MTERF4: variants seen among roughly 807,000 people sequenced by gnomAD.
The protein encoded by MTERF4 is mitochondrial transcription termination factor 4, also known as transcription termination factor 4, mitochondrial.
MTERF4 carries 17 observed loss-of-function variants against 22.5 expected under a neutral mutation model. The observed-to-expected ratio is 0.75, with a 90% confidence interval of 0.52 to 1.13. The LOEUF (loss-of-function observed/expected upper bound fraction) is 1.13. MTERF4 is among the 50% of genes most tolerant of loss of function. The probability of loss-of-function intolerance (pLI) is 0.00; values close to 1 mark genes in which losing one functional copy is unlikely to be tolerated. For synonymous variants in MTERF4, 165 were observed against 175.3 expected, an observed-to-expected ratio of 0.94 and a Z score of 0.47; for missense variants, 420 against 466.8, an observed-to-expected ratio of 0.90 and a Z score of 0.92.
downstream of MTERF4, among the ~76,000 whole-genome samples, chr2:241,084,027 GTT>G (rs1240980050): frequency 1.3e-5 from 2 of 151,388 alleles, no homozygotes; most frequent in African/African-American, 4.9e-5. Context: ...TACTTCTTAG[GTT>G]TATTGTTTAG....
chr2:241,076,100 C>T (rs968745601), intron 4 of MTERF4, among the ~76,000 whole-genome samples: 2 of 152,208 alleles, frequency 1.3e-5, no homozygotes, highest in Non-Finnish European at 2.9e-5. Context: ...TCTTCATCTT[C>T]AGAAGTATCA....
downstream of MTERF4, chr2:241,087,695 T>C: frequency 7.3e-7 from 1 of 1,367,282 alleles, no homozygotes; most frequent in Non-Finnish European, 9.4e-7. Context: ...GCATGCTGGG[T>C]GCTGGGGGGG....
the MTERF4 span, chr2:241,053,432 TCTGACCTGGTCCTGCCCCTGCTC>T: frequency 1.9e-4 from 222 of 1,161,958 alleles, no homozygotes; most frequent in Middle Eastern, 1.7e-3. Flanking sequence ...GATGCCCAGC[TCTGACCTGGTCCTGCCCCTGCTC>T]CCCTCAGTCT....
At chr2:241,061,489 G>A in the MTERF4 span, among the ~76,000 whole-genome samples, 22 of 152,286 alleles carry the variant, frequency 1.4e-4, no homozygotes, top group East Asian at 3.9e-4. Flanking sequence ...GCTCATTTAC[G>A]TCAACTGTGT....
downstream of MTERF4, chr2:241,071,697 C>G (rs375264409): frequency 5.1e-5 from 77 of 1,521,246 alleles, 1 homozygote; most frequent in East Asian, 2.9e-4. Flanking sequence ...ACAGCGCCCC[C>G]GAGACCCCCA....
At chr2:241,059,396 C>T in the MTERF4 span, among the ~76,000 whole-genome samples, 1 of 152,222 alleles carries the variant, frequency 6.6e-6, no homozygotes, top group Non-Finnish European at 1.5e-5. Context: ...GAACACTTCT[C>T]ATTTGATACC....
At chr2:241,082,611 C>T (rs893340659), downstream of MTERF4, among the ~76,000 whole-genome samples, 2 of 152,184 alleles carry the variant, frequency 1.3e-5, no homozygotes, top group Admixed American at 6.5e-5. Context: ...CTCCTGGTCC[C>T]CAGGCCCCCA....
At position 241,072,388 on chromosome 2, in the gene MTERF4, A is replaced by T. The variant is rs1559297519; in HGVS notation, n.3774T>A. The T allele has an allele frequency of 1.1e-5, 4 of 364,508 alleles. No individual in the cohort carries two copies. In the Admixed American group the frequency reaches 1.5e-4, roughly 13 times the overall value. The allele number at this position is 364,508 out of a possible 1,614,324, so 22.6% of individuals were successfully genotyped here. On this transcript the variant is annotated non_coding_transcript_exon_variant, in exon 5 of 5. Transcript: ENST00000464344. ...TTTACTGGGTGAGTGCCGCTCTGGG[A>T]ATCTGCCTGTGATTCTGACACAGAA...
At chr2:241,094,472 C>A, downstream of MTERF4, 1 of 464,860 alleles carries the variant, frequency 2.2e-6, no homozygotes. The surrounding 1 kb of genome is among the most constrained non-coding windows in gnomAD (Gnocchi z 4.3). Flanking sequence ...GTGCTGAATC[C>A]CCACAATTGC....
intron 4 of MTERF4, chr2:241,081,742 G>A (rs910335890): frequency 9.9e-6 from 16 of 1,608,300 alleles, no homozygotes; most frequent in East Asian, 9.0e-5. Context: ...GGGCGCAGAC[G>A]CCCACAGCTG....
At chr2:241,077,380 C>A (rs2063078021) in intron 4 of MTERF4, among the ~76,000 whole-genome samples, 1 of 152,072 alleles carries the variant, frequency 6.6e-6, no homozygotes, top group Non-Finnish European at 1.5e-5. Flanking sequence ...TTAGGCTCAA[C>A]AATAAAAGTA....
chr2:241,088,526 C>A, downstream of MTERF4: 2 of 790,732 alleles, frequency 2.5e-6, no homozygotes, highest in South Asian at 1.4e-5. Context: ...GAAGCGCGGT[C>A]CTGTGCTGCT....
chr2:241,069,830 G>A (rs2062625022), downstream of MTERF4: 1 of 1,444,466 alleles, frequency 6.9e-7, no homozygotes, highest in Admixed American at 1.9e-5. This position sits in a 1 kb window ranked among gnomAD's most constrained non-coding sequence, Gnocchi z 4.9. Context: ...CAGCAAGGCT[G>A]CGGCAGCCCA....
chr2:241,048,830 G>A, the MTERF4 span: 101 of 1,406,742 alleles, frequency 7.2e-5, no homozygotes, highest in East Asian at 2.4e-3. Flanking sequence ...GAAATGAATG[G>A]TGGCTTCGGC....
chr2:241,096,313 A>G lies in MTERF4; in HGVS notation c.831T>C (p.Pro277=), dbSNP rs1451808221. ...YLERLGRYQT[P]DKKGQTQIPN... ...GGATCTGTGTCTGCCCCTTCTTATCAGGGGTTTGGTACCGTCCCAGGCGCT... is the reference window on the plus strand; with the variant it reads ...GGATCTGTGTCTGCCCCTTCTTATCGGGGGTTTGGTACCGTCCCAGGCGCT... The change falls in exon 4 of 4, where the codon CCT becomes CCC. Residue 277 remains proline, a synonymous_variant. Coordinates refer to ENST00000391980, the MANE Select transcript of MTERF4 (RefSeq NM_182501.4). This position sits in a 1 kb window ranked among gnomAD's most constrained non-coding sequence, Gnocchi z 5.1. 1.9e-6 allele frequency: 3 copies of G among 1,614,054 alleles called. No individual in the cohort carries two copies. Among genetic ancestry groups the G allele is most frequent in the Non-Finnish European group, 2.5e-6 (3 of 1,180,036 alleles).
At chr2:241,082,919 G>C (rs918070589), downstream of MTERF4, among the ~76,000 whole-genome samples, 2 of 151,654 alleles carry the variant, frequency 1.3e-5, no homozygotes, top group Admixed American at 6.6e-5. Flanking sequence ...GCTGTGTGCC[G>C]GGCACTGTCC....
Position 241,075,434 on chromosome 2 carries a change from T to A in MTERF4, n.728A>T, listed in dbSNP as rs552876157. On this transcript the variant is annotated non_coding_transcript_exon_variant, in exon 5 of 5. Coordinates refer to the MTERF4 transcript ENST00000464344. This position sits in a 1 kb window ranked among gnomAD's most constrained non-coding sequence, Gnocchi z 4.8. ...GCAGAACGGGTGGGATGCACACCCC[T>A]GGGATCTGGGTTTGCATCTCCTGGG... is the stretch of plus-strand genomic sequence containing the variant. 3.0e-4 allele frequency: 45 copies of A among 152,350 alleles called. No homozygotes were observed. Among genetic ancestry groups the A allele is most frequent in the African/African-American group, 1.0e-3 (43 of 41,582 alleles). The allele number at this position is 152,350 out of a possible 1,614,324, so 9.4% of individuals were successfully genotyped here.
downstream of MTERF4, chr2:241,088,031 C>A: frequency 2.5e-6 from 1 of 406,430 alleles, no homozygotes; most frequent in Non-Finnish European, 4.4e-6. Context: ...CAGCCTGCAG[C>A]TCACCAGCCG....
chr2:241,057,792 T>G, the MTERF4 span, among the ~76,000 whole-genome samples: 8 of 152,034 alleles, frequency 5.3e-5, no homozygotes, highest in Admixed American at 2.6e-4. Flanking sequence ...AAACACAGCT[T>G]CAGAGGCTTA....
Sources: gnomAD v4.1 joint callset for allele counts (sites outside exome capture counted in the v4.1 genomes callset) on GRCh38, gnomAD v4.1.1 for gene constraint, Gnocchi (gnomAD v3.1) non-coding constraint, MANE v1.5 for transcripts, NCBI Gene and HGNC (gene_info 2026-07-23, HGNC 2026-07-21) for gene names.